Variants in GRIN2B observed in about 807,000 individuals in gnomAD.
GRIN2B encodes the protein glutamate ionotropic receptor NMDA type subunit 2B, also known as glutamate receptor ionotropic, NMDA 2B.
In GRIN2B, 5 loss-of-function variants were observed where a neutral mutation model predicts 114.5. The ratio of observed to expected loss-of-function variants is 0.04; its 90% CI spans 0.02 to 0.09. The LOEUF is 0.09. GRIN2B is among the 10% of genes least tolerant of loss of function. The pLI, the probability that GRIN2B is intolerant of heterozygous loss-of-function variation, is 1.00. For missense variants in GRIN2B, 1,108 were observed against 1,943.5 expected (o/e 0.57, Z 8.08); for synonymous variants, 787 against 745.1 (o/e 1.06, Z -0.92).
intron 5 of GRIN2B, among the ~76,000 whole-genome samples, chr12:13,665,596 C>T (rs1238392378): frequency 6.6e-6 from 1 of 152,132 alleles, no homozygotes; most frequent in African/African-American, 2.4e-5. Context: ...CTCTGCCACT[C>T]CTTAGCTATG....
At chr12:13,904,058 G>A (rs1251664826) in intron 2 of GRIN2B, among the ~76,000 whole-genome samples, 1 of 151,890 alleles carries the variant, frequency 6.6e-6, no homozygotes, top group East Asian at 1.9e-4. Flanking sequence ...GTACCATTAT[G>A]TTTTAGATAT....
intron 3 of GRIN2B, among the ~76,000 whole-genome samples, chr12:13,832,765 C>T (rs1225017256): frequency 6.6e-6 from 1 of 152,124 alleles, no homozygotes; most frequent in Non-Finnish European, 1.5e-5. Context: ...ATGATGACCA[C>T]CTTTCAAGTA....
intron 4 of GRIN2B, among the ~76,000 whole-genome samples, chr12:13,714,145 C>G (rs1239607786): frequency 2.0e-5 from 3 of 151,766 alleles, no homozygotes; most frequent in Non-Finnish European, 4.4e-5. Context: ...TTCCTGTCCT[C>G]CCTCCCCCAC....
intron 2 of GRIN2B, among the ~76,000 whole-genome samples, chr12:13,931,307 C>G (rs1304119881): frequency 1.3e-5 from 2 of 152,204 alleles, no homozygotes; most frequent in Non-Finnish European, 2.9e-5. Context: ...TCAATTTGAT[C>G]TCTCATCTTC....
At chr12:13,802,028 C>T (rs1477336958) in intron 3 of GRIN2B, among the ~76,000 whole-genome samples, 3 of 152,088 alleles carry the variant, frequency 2.0e-5, no homozygotes, top group Non-Finnish European at 2.9e-5. Flanking sequence ...CTGAGTCCTT[C>T]TTCCGTGCTT....
chr12:13,895,705 G>A (rs1395872608), intron 2 of GRIN2B, among the ~76,000 whole-genome samples: 1 of 152,186 alleles, frequency 6.6e-6, no homozygotes, highest in Non-Finnish European at 1.5e-5. Flanking sequence ...ATTCTTGCTT[G>A]CTGTGATTAG....
intron 3 of GRIN2B, among the ~76,000 whole-genome samples, chr12:13,792,776 C>CAAT (rs72525740): frequency 6.6e-6 from 1 of 151,784 alleles, no homozygotes; most frequent in Non-Finnish European, 1.5e-5. Context: ...GCAATTAGAA[C>CAAT]AGGAAACATT....
At chr12:13,896,408 T>TAGTC (rs1188903015) in intron 2 of GRIN2B, among the ~76,000 whole-genome samples, 18 of 152,254 alleles carry the variant, frequency 1.2e-4, no homozygotes, top group Admixed American at 4.6e-4. Flanking sequence ...AGCGATGGGT[T>TAGTC]AGTCCTTCAG....
intron 5 of GRIN2B, among the ~76,000 whole-genome samples, chr12:13,659,253 A>G (rs767961771): frequency 3.3e-5 from 5 of 152,186 alleles, no homozygotes; most frequent in African/African-American, 7.2e-5. Flanking sequence ...CCAGTGTCCC[A>G]TAAATGTCCC....
At position 13,813,433 on chromosome 12, in the gene GRIN2B, G is replaced by T. The variant is rs143681213; in HGVS notation, c.411+52365C>A. On this transcript the variant is annotated intron_variant, in intron 3 of 13. Transcript: ENST00000609686. ...CCAAACATTACTACACTTCTGGGAC[G>T]CTGGGTACCAAGAATTGGAAACAGG... Among the ~76,000 whole-genome samples, 593 of 152,252 alleles carry T rather than the reference G, an allele frequency of 3.9e-3. 5 individuals are homozygous for T. Among genetic ancestry groups the T allele is most frequent in the African/African-American group, 0.013 (560 of 41,538 alleles).
At chr12:13,894,241 A>AAT (rs1350976236) in intron 2 of GRIN2B, among the ~76,000 whole-genome samples, 1 of 152,184 alleles carries the variant, frequency 6.6e-6, no homozygotes, top group Admixed American at 6.6e-5. Context: ...TTCCTAAAGA[A>AAT]ATAATGTAAA....
intron 3 of GRIN2B, among the ~76,000 whole-genome samples, chr12:13,769,987 T>C (rs1863875153): frequency 6.6e-6 from 1 of 152,240 alleles, no homozygotes; most frequent in African/African-American, 2.4e-5. Context: ...TTCTATTTTG[T>C]TTGAGTTTCT....
In GRIN2B at chr12:13,776,292, A is replaced by G. The variant is rs540598691; in HGVS notation, c.412-22377T>C. 3.3e-5 allele frequency among the ~76,000 whole-genome samples: 5 copies of G among 152,256 alleles called. No individual in the cohort carries two copies. In the East Asian group the frequency reaches 9.6e-4, roughly 29 times the overall value. ...GCCTGTCAGGGGTTGGTCAGGGGAA[A>G]GCATCAGGAAGAGGAGCTAATGGAT... is the stretch of plus-strand genomic sequence containing the variant. On this transcript the variant is annotated intron_variant, in intron 3 of 13. Coordinates refer to ENST00000609686, the MANE Select transcript of GRIN2B (RefSeq NM_000834.5).
intron 3 of GRIN2B, among the ~76,000 whole-genome samples, chr12:13,756,178 G>A (rs1251372199): frequency 1.3e-5 from 2 of 151,848 alleles, no homozygotes; most frequent in Admixed American, 1.3e-4. Context: ...ACCATGCCAG[G>A]CTAATTTTTG....
intron 2 of GRIN2B, among the ~76,000 whole-genome samples, chr12:13,872,763 T>A (rs138073394): frequency 6.6e-6 from 1 of 152,312 alleles, no homozygotes; most frequent in African/African-American, 2.4e-5. Flanking sequence ...CTTTACCTGG[T>A]GGGTACATCC....
At chr12:13,896,810 G>A (rs1866363666) in intron 2 of GRIN2B, among the ~76,000 whole-genome samples, 1 of 152,174 alleles carries the variant, frequency 6.6e-6, no homozygotes, top group African/African-American at 2.4e-5. Flanking sequence ...TACCGACAGA[G>A]CTAGTGTGGC....
rs528959733 is a variant in GRIN2B, at chr12:13,878,957, G to A, written c.-18-12731C>T. ...CAGGGAAAATGTGGTCATTAAATGG[G>A]ACTTTGCTGAAGAAACAAATTGGTT... On this transcript the variant is annotated intron_variant, in intron 2 of 13. Transcript: ENST00000609686. Among the ~76,000 whole-genome samples, 72 of 152,258 alleles carry A rather than the reference G, an allele frequency of 4.7e-4. 1 individual carries two copies. In the South Asian group the frequency reaches 0.014, roughly 30 times the overall value.
intron 2 of GRIN2B, among the ~76,000 whole-genome samples, chr12:13,924,105 G>C (rs868506200): frequency 1.3e-5 from 2 of 152,078 alleles, no homozygotes; most frequent in East Asian, 1.9e-4. Context: ...TGTGCCTCTG[G>C]GGGGACTAGT....
intron 2 of GRIN2B, among the ~76,000 whole-genome samples, chr12:13,970,959 G>A (rs991064295): frequency 6.6e-6 from 1 of 152,188 alleles, no homozygotes; most frequent in Admixed American, 6.5e-5. Context: ...ACAAGGTGAT[G>A]AGAGGAAGAA....
Sources: allele counts gnomAD v4.1 joint callset (sites outside exome capture counted in the v4.1 genomes callset), GRCh38; gene constraint gnomAD v4.1.1; transcripts MANE v1.5; gene names NCBI Gene and HGNC (gene_info 2026-07-23, HGNC 2026-07-21).